ACOXL: variants seen among roughly 807,000 people sequenced by gnomAD.
ACOXL encodes acyl-CoA oxidase like.
In ACOXL, 70 loss-of-function variants were observed where a neutral mutation model predicts 71.9. That is an observed-to-expected ratio of 0.97 (90% CI 0.80 to 1.19). The LOEUF (loss-of-function observed/expected upper bound fraction) is 1.19. ACOXL is among the 50% of genes most tolerant of loss of function. ACOXL has a pLI of 0.00. For missense variants in ACOXL, 703 were observed against 736.3 expected, an observed-to-expected ratio of 0.95 and a Z score of 0.52; for synonymous variants, 253 against 281.6, an observed-to-expected ratio of 0.90 and a Z score of 1.02.
chr2:110,910,684 A>C (rs2059621223), intron 11 of ACOXL, among the ~76,000 whole-genome samples: 1 of 151,966 alleles, frequency 6.6e-6, no homozygotes, highest in Non-Finnish European at 1.5e-5. Flanking sequence ...TTAAATTTAC[A>C]CTTATCTGGT....
At chr2:111,106,069 G>A (rs1351088756) in intron 17 of ACOXL, among the ~76,000 whole-genome samples, 38 of 152,232 alleles carry the variant, frequency 2.5e-4, no homozygotes, top group Non-Finnish European at 1.5e-5. Flanking sequence ...AATCTGGGGA[G>A]TTTTCAGCCA....
intron 14 of ACOXL, among the ~76,000 whole-genome samples, chr2:111,030,214 G>C (rs1301811994): frequency 6.6e-6 from 1 of 152,140 alleles, no homozygotes; most frequent in Non-Finnish European, 1.5e-5. Flanking sequence ...CAGTGGAATG[G>C]GTAGAGCTTC....
intron 16 of ACOXL, among the ~76,000 whole-genome samples, chr2:111,084,828 T>C (rs1453702504): frequency 6.7e-6 from 1 of 148,494 alleles, no homozygotes; most frequent in African/African-American, 2.5e-5. Flanking sequence ...GAAACCCATC[T>C]CACATGCAAT....
At chr2:111,010,511 T>G (rs931570690) in intron 14 of ACOXL, among the ~76,000 whole-genome samples, 2 of 151,880 alleles carry the variant, frequency 1.3e-5, no homozygotes, top group Non-Finnish European at 2.9e-5. Context: ...AAGAAGGAGA[T>G]GAGAGAGAGA....
intron 17 of ACOXL, among the ~76,000 whole-genome samples, chr2:111,110,437 G>C (rs535337759): frequency 7.4e-4 from 113 of 152,308 alleles, no homozygotes; most frequent in African/African-American, 2.6e-3. Flanking sequence ...AGGATACATG[G>C]GACCATGCAA....
At chr2:110,905,349 TC>T (rs2059403013) in intron 10 of ACOXL, among the ~76,000 whole-genome samples, 1 of 151,976 alleles carries the variant, frequency 6.6e-6, no homozygotes, top group Admixed American at 6.6e-5. Flanking sequence ...TGGACAGAGG[TC>T]CAGGATGGGA....
chr2:111,111,022 T>C (rs533001973), intron 17 of ACOXL, among the ~76,000 whole-genome samples: 3 of 150,912 alleles, frequency 2.0e-5, no homozygotes, highest in African/African-American at 7.3e-5. Context: ...GATTATTCCT[T>C]CTTGAGTATG....
chr2:110,780,907 G>C (rs771764459), intron 2 of ACOXL, among the ~76,000 whole-genome samples: 1 of 152,078 alleles, frequency 6.6e-6, no homozygotes, highest in African/African-American at 2.4e-5. Context: ...TGGCAGACCT[G>C]TCATCCCAGC....
chr2:110,771,070 G>A (rs1681852737), intron 2 of ACOXL, among the ~76,000 whole-genome samples: 1 of 152,156 alleles, frequency 6.6e-6, no homozygotes, highest in African/African-American at 2.4e-5. Context: ...CACAGGATTG[G>A]CCCTAGACCA....
chr2:110,786,032 A>G (rs1310397392), intron 3 of ACOXL, among the ~76,000 whole-genome samples: 3 of 152,208 alleles, frequency 2.0e-5, no homozygotes, highest in Non-Finnish European at 4.4e-5. Context: ...TTACCAAGGA[A>G]GGCGAACAAA....
chr2:110,838,917 T>C (rs1169968542), intron 9 of ACOXL, among the ~76,000 whole-genome samples: 1 of 152,252 alleles, frequency 6.6e-6, no homozygotes, highest in Non-Finnish European at 1.5e-5. Flanking sequence ...CTGGCTGCTG[T>C]GTCGTTTGGT....
At chr2:111,064,160 G>A (rs890634163) in intron 16 of ACOXL, among the ~76,000 whole-genome samples, 1 of 152,138 alleles carries the variant, frequency 6.6e-6, no homozygotes. Context: ...TAGTAGGCGG[G>A]GCACAGTGGC....
intron 10 of ACOXL, among the ~76,000 whole-genome samples, chr2:110,852,225 C>T (rs530758730): frequency 1.3e-5 from 2 of 152,186 alleles, no homozygotes; most frequent in Non-Finnish European, 2.9e-5. Context: ...CCTGGTGGAT[C>T]GCTTGACAGT....
At chr2:111,093,226 CAA>C (rs551489527) in intron 17 of ACOXL, among the ~76,000 whole-genome samples, 176 of 94,058 alleles carry the variant, frequency 1.9e-3, no homozygotes, top group African/African-American at 4.8e-3. Flanking sequence ...TTGTCTTGGC[CAA>C]AAAAAAAAAA....
At chr2:110,926,180 G>T (rs970562375) in intron 11 of ACOXL, among the ~76,000 whole-genome samples, 6 of 152,138 alleles carry the variant, frequency 3.9e-5, no homozygotes, top group African/African-American at 1.2e-4. Flanking sequence ...TAATGAAAAA[G>T]TTTGAAATAT....
intron 14 of ACOXL, among the ~76,000 whole-genome samples, chr2:111,009,421 GGA>G: frequency 6.6e-6 from 1 of 151,928 alleles, no homozygotes; most frequent in Middle Eastern, 3.4e-3. Flanking sequence ...GGCTGAGGCA[GGA>G]GAATTGCATG....
intron 1 of ACOXL, among the ~76,000 whole-genome samples, chr2:110,741,028 TA>T (rs1553522203): frequency 6.6e-6 from 1 of 152,192 alleles, no homozygotes; most frequent in Non-Finnish European, 1.5e-5. Flanking sequence ...GGAAGTGACT[TA>T]CTCAAGTGTC....
At chr2:110,842,922 A>G (rs1691345899) in intron 10 of ACOXL, among the ~76,000 whole-genome samples, 1 of 152,094 alleles carries the variant, frequency 6.6e-6, no homozygotes, top group Admixed American at 6.6e-5. Flanking sequence ...GCCCACGACA[A>G]AAGTGTGGTG....
In ACOXL at chr2:110,988,218, G is replaced by A. The variant is rs116326820; in HGVS notation, c.1169+1001G>A. On this transcript the variant is annotated intron_variant, in intron 13 of 17. Transcript: ENST00000439055. ...TTTGGGAGGCCAGGACAGAAGGATT[G>A]CTCAAGCCCAGGAGTTCGAGACCAG... Among the ~76,000 whole-genome samples, 391 of 152,312 alleles carry A rather than the reference G, an allele frequency of 2.6e-3. 2 individuals are homozygous for A. Among genetic ancestry groups the A allele is most frequent in the African/African-American group, 9.0e-3 (373 of 41,572 alleles).
Sources: allele counts gnomAD v4.1 joint callset (sites outside exome capture counted in the v4.1 genomes callset), GRCh38; gene constraint gnomAD v4.1.1; transcripts MANE v1.5; gene names NCBI Gene and HGNC (gene_info 2026-07-23, HGNC 2026-07-21).